Variants in TCF12 observed in about 807,000 individuals in gnomAD.
The protein encoded by TCF12 is transcription factor 12, also known as DNA-binding protein HTF4.
TCF12 carries 45 observed loss-of-function variants against 86.0 expected under a neutral mutation model. The ratio of observed to expected loss-of-function variants is 0.52; its 90% CI spans 0.41 to 0.67. The LOEUF (loss-of-function observed/expected upper bound fraction) is 0.67. TCF12 is among the 30% of genes least tolerant of loss of function. TCF12 has a pLI of 0.00. For missense variants in TCF12, 881 were observed against 859.9 expected (o/e 1.02, Z -0.31); for synonymous variants, 330 against 299.6 (o/e 1.10, Z -1.05).
intron 14 of TCF12, 107 bp downstream of exon 14, chr15:57,251,530 T>G: frequency 9.5e-7 from 1 of 1,056,658 alleles, no homozygotes; most frequent in Non-Finnish European, 1.4e-6. Context: ...TGCACATGAA[T>G]TCTTTGCTAA....
chr15:57,111,499 A>G (rs1341605606), intron 5 of TCF12, among the ~76,000 whole-genome samples: 3 of 151,684 alleles, frequency 2.0e-5, no homozygotes, highest in Non-Finnish European at 4.4e-5. Flanking sequence ...ACCCATGACA[A>G]CCATCAGCCA....
intron 13 of TCF12, 83 bp downstream of exon 13, chr15:57,243,633 T>TA (rs1477051885): frequency 8.1e-7 from 1 of 1,234,760 alleles, no homozygotes; most frequent in African/African-American, 1.5e-5. Flanking sequence ...CAAACTTTAA[T>TA]AAAAATTTGT....
chr15:57,166,546 A>C (rs2054908143), intron 6 of TCF12, 80 bp downstream of exon 6: 14 of 1,235,366 alleles, frequency 1.1e-5, no homozygotes, highest in Non-Finnish European at 1.5e-5. Flanking sequence ...TGAGATAGAA[A>C]TTATCCAATT....
chr15:57,238,576 C>T (rs2151950254), intron 12 of TCF12, among the ~76,000 whole-genome samples: 1 of 152,272 alleles, frequency 6.6e-6, no homozygotes, highest in African/African-American at 2.4e-5. Context: ...CTCTTTTGCC[C>T]TTGGTATTTC....
intron 6 of TCF12, among the ~76,000 whole-genome samples, chr15:57,181,909 G>T (rs1283855583): frequency 6.6e-6 from 1 of 152,150 alleles, no homozygotes; most frequent in South Asian, 2.1e-4. Context: ...ATTTTTCACA[G>T]AGAAAAATGT....
chr15:57,257,717 G>T (rs2060413668), intron 16 of TCF12, among the ~76,000 whole-genome samples: 1 of 147,470 alleles, frequency 6.8e-6, no homozygotes, highest in Non-Finnish European at 1.5e-5. Context: ...GTACAGACAG[G>T]TCAGCTCCCA....
chr15:56,919,547 A>T, intron 1 of TCF12: 1 of 180,282 alleles, frequency 5.5e-6, no homozygotes. Context: ...TCGAGACCCC[A>T]GCCGCGGCCG....
chr15:57,125,342 T>A (rs568341152), intron 5 of TCF12, among the ~76,000 whole-genome samples: 1 of 152,354 alleles, frequency 6.6e-6, no homozygotes, highest in Non-Finnish European at 1.5e-5. Context: ...TTGTAGTAGA[T>A]CCAGCTGTTA....
At chr15:57,186,577 T>G (rs547306529) in intron 6 of TCF12, among the ~76,000 whole-genome samples, 1 of 152,332 alleles carries the variant, frequency 6.6e-6, no homozygotes, top group South Asian at 2.1e-4. Context: ...TAATGCCAGT[T>G]CTTCCCAAAC....
intron 4 of TCF12, among the ~76,000 whole-genome samples, chr15:57,088,012 AT>A (rs1461782649): frequency 6.6e-6 from 1 of 152,028 alleles, no homozygotes; most frequent in Non-Finnish European, 1.5e-5. Flanking sequence ...CTTTCTATCA[AT>A]TTGAAATATG....
intron 13 of TCF12, among the ~76,000 whole-genome samples, chr15:57,248,370 G>A (rs2059956719): frequency 6.6e-6 from 1 of 152,190 alleles, no homozygotes; most frequent in Non-Finnish European, 1.5e-5. Context: ...TAGAAGAGAG[G>A]AATGGCTTTG....
rs569523655 is a variant in TCF12 at position 57,205,165 on chromosome 15, T to C, written c.579+7340T>C. 2.7e-4 allele frequency among the ~76,000 whole-genome samples: 41 copies of C among 152,132 alleles called. No homozygotes were observed. The South Asian group carries it at 8.5e-3, about 32-fold the overall frequency. On this transcript the variant is annotated intron_variant, in intron 8 of 20. Coordinates refer to ENST00000333725, the MANE Select transcript of TCF12 (RefSeq NM_207037.2). ...CCGCCTCTATAAAGAAATACAAAAA[T>C]TAGCTGGCATGGTGTTGTGTGCCTA...
At chr15:57,039,819 T>A (rs971844342) in intron 3 of TCF12, among the ~76,000 whole-genome samples, 1 of 152,230 alleles carries the variant, frequency 6.6e-6, no homozygotes, top group Non-Finnish European at 1.5e-5. Context: ...GAGTTACTAG[T>A]AATATTCCTG....
chr15:57,143,959 C>A (rs1248420426), intron 5 of TCF12, among the ~76,000 whole-genome samples: 5 of 152,140 alleles, frequency 3.3e-5, no homozygotes, highest in Non-Finnish European at 4.4e-5. Context: ...CAATTGAGTT[C>A]TTTTAGGAGG....
At chr15:57,215,881 A>G (rs1439185725) in intron 8 of TCF12, among the ~76,000 whole-genome samples, 3 of 152,182 alleles carry the variant, frequency 2.0e-5, no homozygotes, top group Admixed American at 6.5e-5. Context: ...AAGAAATTTT[A>G]TATAGCTCTC....
chr15:57,244,258 G>A (rs1451217179), intron 13 of TCF12, among the ~76,000 whole-genome samples: 2 of 152,088 alleles, frequency 1.3e-5, no homozygotes, highest in African/African-American at 4.8e-5. Flanking sequence ...CTTCCTCCTT[G>A]TTCTCCACAC....
At chr15:57,120,905 C>T (rs1418452994) in intron 5 of TCF12, among the ~76,000 whole-genome samples, 2 of 152,020 alleles carry the variant, frequency 1.3e-5, no homozygotes, top group Non-Finnish European at 2.9e-5. Flanking sequence ...CACTTGGACC[C>T]AGGAGATTGA....
At chr15:56,925,637 G>A (rs534979550) in intron 3 of TCF12, among the ~76,000 whole-genome samples, 28 of 152,272 alleles carry the variant, frequency 1.8e-4, no homozygotes, top group African/African-American at 6.5e-4. Context: ...TCAAAGACTT[G>A]GGTAATCTTG....
chr15:57,124,416 C>T (rs1250413456), intron 5 of TCF12, among the ~76,000 whole-genome samples: 1 of 152,100 alleles, frequency 6.6e-6, no homozygotes, highest in Admixed American at 6.6e-5. Context: ...CTCCATCATC[C>T]CCTGTAGAAT....
Sources: allele counts gnomAD v4.1 joint callset (sites outside exome capture counted in the v4.1 genomes callset), GRCh38; gene constraint gnomAD v4.1.1; transcripts MANE v1.5; gene names NCBI Gene and HGNC (gene_info 2026-07-23, HGNC 2026-07-21).